The following GRIN3A variants were observed in gnomAD, a reference collection of about 807,000 sequenced individuals.
The protein encoded by GRIN3A is glutamate ionotropic receptor NMDA type subunit 3A.
Under a neutral mutation model 92.4 loss-of-function variants are expected in GRIN3A, and 47 were observed. That is an observed-to-expected ratio of 0.51 (90% CI 0.40 to 0.65). The LOEUF is 0.65. GRIN3A is among the 30% of genes least tolerant of loss of function. The pLI is 0.00. For missense variants in GRIN3A, 1,324 were observed against 1,393.1 expected, an observed-to-expected ratio of 0.95 and a Z score of 0.79; for synonymous variants, 527 against 540.6, an observed-to-expected ratio of 0.97 and a Z score of 0.35.
At chr9:101,635,615 T>A (rs1828775159) in intron 3 of GRIN3A, among the ~76,000 whole-genome samples, 1 of 152,250 alleles carries the variant, frequency 6.6e-6, no homozygotes, top group Non-Finnish European at 1.5e-5. Flanking sequence ...TTCCTGGCAC[T>A]GTCCAGATTT....
chr9:101,663,472 G>T (rs534225002), intron 3 of GRIN3A, among the ~76,000 whole-genome samples: 2 of 151,902 alleles, frequency 1.3e-5, no homozygotes, highest in East Asian at 1.9e-4. Context: ...TGAGTGGATT[G>T]GTGTAACTCA....
At chr9:101,579,458 T>C (rs1291117901) in intron 6 of GRIN3A, 98 bp from the exon 7 acceptor site, 1 of 1,188,328 alleles carries the variant, frequency 8.4e-7, no homozygotes, top group East Asian at 2.5e-5. Context: ...TCATTTTTTC[T>C]GGACTCAAGG....
At chr9:101,666,216 A>G (rs2118942377) in intron 3 of GRIN3A, among the ~76,000 whole-genome samples, 1 of 152,058 alleles carries the variant, frequency 6.6e-6, no homozygotes, top group Middle Eastern at 3.4e-3. Context: ...CTAGGGCTTT[A>G]ATAAACAGTA....
chr9:101,620,120 A>G (rs1237961122), intron 5 of GRIN3A, among the ~76,000 whole-genome samples: 1 of 152,216 alleles, frequency 6.6e-6, no homozygotes, highest in Non-Finnish European at 1.5e-5. Flanking sequence ...TAGTCTGCTC[A>G]GGCTTCTATA....
At chr9:101,593,407 T>C (rs949675604) in intron 6 of GRIN3A, 57 of 152,212 alleles carry the variant, frequency 3.7e-4, no homozygotes, top group Admixed American at 3.3e-3. Context: ...CTGGTGTAGC[T>C]AGCATCCACC....
intron 6 of GRIN3A, among the ~76,000 whole-genome samples, chr9:101,612,598 GT>G (rs905373386): frequency 6.7e-5 from 10 of 149,054 alleles, no homozygotes; most frequent in African/African-American, 1.5e-4. Context: ...AGGTGGGTTT[GT>G]TTTTTTTTTA....
At chr9:101,628,542 G>T in intron 3 of GRIN3A, 141 bp from the exon 4 acceptor site, 1 of 755,562 alleles carries the variant, frequency 1.3e-6, no homozygotes, top group Non-Finnish European at 2.2e-6. Flanking sequence ...ACATAGAAAT[G>T]TGCAGACATG....
At chr9:101,583,360 T>A (rs17189275) in intron 6 of GRIN3A, among the ~76,000 whole-genome samples, 22,576 of 152,130 alleles carry the variant, frequency 0.15, 2,109 homozygotes, top group Non-Finnish European at 0.21. Flanking sequence ...CCAGAGAAAA[T>A]GTTTCAATTG....
chr9:101,575,436 G>A (rs1455254110), intron 8 of GRIN3A, among the ~76,000 whole-genome samples: 1 of 152,132 alleles, frequency 6.6e-6, no homozygotes, highest in Non-Finnish European at 1.5e-5. Context: ...GTGTCTTGGG[G>A]TGAGAGGAAA....
chr9:101,707,222 G>A (rs753245587), intron 1 of GRIN3A, among the ~76,000 whole-genome samples: 1 of 152,144 alleles, frequency 6.6e-6, no homozygotes, highest in Non-Finnish European at 1.5e-5. Context: ...GTAGCCCCAG[G>A]GTTGTAGCTA....
chr9:101,660,581 A>G (rs1458985044), intron 3 of GRIN3A, among the ~76,000 whole-genome samples: 2 of 151,862 alleles, frequency 1.3e-5, no homozygotes, highest in African/African-American at 4.8e-5. Flanking sequence ...GGTAGATAGA[A>G]TAAGAACTTC....
chr9:101,599,679 T>A (rs2118825715), intron 6 of GRIN3A, among the ~76,000 whole-genome samples: 1 of 152,206 alleles, frequency 6.6e-6, no homozygotes, highest in South Asian at 2.1e-4. Context: ...AGTTTTTAGA[T>A]AAAGAAATAT....
intron 6 of GRIN3A, 115 bp downstream of exon 6, chr9:101,613,261 C>G (rs1828392793): frequency 9.0e-7 from 1 of 1,112,304 alleles, no homozygotes; most frequent in Non-Finnish European, 1.3e-6. Flanking sequence ...AAATATTATG[C>G]AAGAGTCTAG....
At chr9:101,699,824 A>T (rs1354008118) in intron 1 of GRIN3A, among the ~76,000 whole-genome samples, 1 of 152,184 alleles carries the variant, frequency 6.6e-6, no homozygotes, top group Non-Finnish European at 1.5e-5. Flanking sequence ...TGACCTTCAA[A>T]GCCATTCCAA....
intron 6 of GRIN3A, among the ~76,000 whole-genome samples, chr9:101,605,715 C>G (rs1462379073): frequency 6.6e-6 from 1 of 152,138 alleles, no homozygotes; most frequent in African/African-American, 2.4e-5. Flanking sequence ...GCGCACTTCC[C>G]CTGATAATAA....
chr9:101,632,242 C>G (rs570948452), intron 3 of GRIN3A, among the ~76,000 whole-genome samples: 5 of 152,288 alleles, frequency 3.3e-5, no homozygotes, highest in African/African-American at 1.2e-4. Context: ...TTCACTGACC[C>G]CTAGACCTGT....
intron 1 of GRIN3A, among the ~76,000 whole-genome samples, chr9:101,691,578 T>A (rs187157533): frequency 5.6e-4 from 85 of 152,314 alleles, no homozygotes; most frequent in African/African-American, 1.9e-3. Flanking sequence ...TAACTAAAAA[T>A]GTAGTCTCAT....
At chr9:101,716,083 T>C (rs1829942683) in intron 1 of GRIN3A, among the ~76,000 whole-genome samples, 1 of 152,200 alleles carries the variant, frequency 6.6e-6, no homozygotes, top group Non-Finnish European at 1.5e-5. Flanking sequence ...AGCAACTTTT[T>C]TCGCATGGAA....
rs140110106 is a variant in GRIN3A, at chr9:101,612,293, A to C, written c.2766+1083T>G. ...GACATGGCTTGTTGATGAATGTGGAAGATGAGATGTGGGAGGCATTAAGGA... is the reference window on the plus strand; with the variant it reads ...GACATGGCTTGTTGATGAATGTGGACGATGAGATGTGGGAGGCATTAAGGA... On this transcript the variant is annotated intron_variant, in intron 6 of 8. Transcript: ENST00000361820. 8.4e-3 allele frequency among the ~76,000 whole-genome samples: 1,285 copies of C among 152,330 alleles called. 7 individuals are homozygous for C. The highest frequency in any genetic ancestry group is 0.013 in the Non-Finnish European group (905 of 68,024).
Sources: gnomAD v4.1 joint callset for allele counts (sites outside exome capture counted in the v4.1 genomes callset) on GRCh38, gnomAD v4.1.1 for gene constraint, MANE v1.5 for transcripts, NCBI Gene and HGNC (gene_info 2026-07-23, HGNC 2026-07-21) for gene names.